The following ATG9B variants were observed in gnomAD, a reference collection of about 807,000 sequenced individuals.
ATG9B encodes autophagy related 9B.
In ATG9B, 92 loss-of-function variants were observed where a neutral mutation model predicts 92.9. The ratio of observed to expected loss-of-function variants is 0.99; its 90% CI spans 0.84 to 1.18. The LOEUF is 1.18. Ranked by LOEUF, ATG9B falls within the 50% of genes most tolerant of loss-of-function variation. The probability of loss-of-function intolerance (pLI) is 0.00; values close to 1 mark genes in which losing one functional copy is unlikely to be tolerated. For missense variants in ATG9B, 1,344 were observed against 1,235.0 expected (o/e 1.09, Z -1.32); for synonymous variants, 599 against 551.4 (o/e 1.09, Z -1.21).
chr7:151,014,468 T>C (rs550680447), downstream of ATG9B: 2 of 425,314 alleles, frequency 4.7e-6, no homozygotes, highest in Non-Finnish European at 8.4e-6. Flanking sequence ...TCCTCTTGCC[T>C]CTCTCAGGAG....
chr7:151,014,010 T>C, downstream of ATG9B: 1 of 1,612,496 alleles, frequency 6.2e-7, no homozygotes, highest in Non-Finnish European at 8.5e-7. Flanking sequence ...TCCGACAGGA[T>C]CAGCAACGCT....
chr7:151,024,195 C>A lies in ATG9B; in HGVS notation c.229G>T (p.Val77Leu), dbSNP rs1286750551. 1 of 1,525,024 alleles carries A rather than the reference C, an allele frequency of 6.6e-7. No homozygotes were observed. Among genetic ancestry groups the A allele is most frequent in the African/African-American group, 1.4e-5 (1 of 72,096 alleles). The allele number at this position is 1,525,024 out of a possible 1,614,324, so 94.5% of individuals were successfully genotyped here. A position where few individuals can be genotyped will look rare whatever the true frequency, so the allele number is the denominator to read the frequency against. ...TGAGAAGCCCCTGTCCCCTGTAGCA[C>A]TGAGCAAGGGGGCCCTGCGGTGGGA... is the stretch of plus-strand genomic sequence containing the variant. ...SPPTAGPPCS[V>L]LQGTGASQSC... Residue 77 changes from valine (V) to leucine (L), a missense_variant, in exon 1 of 14, where the codon GTG becomes TTG. By Grantham distance (32) the Val-to-Leu change is conservative. Coordinates refer to ENST00000639579, the MANE Select transcript of ATG9B (RefSeq NM_001317056.2).
In ATG9B at chr7:151,018,208, C is replaced by T. The variant is rs1795585753; in HGVS notation, c.1872+86G>A. 1.3e-6 allele frequency: 2 copies of T among 1,493,156 alleles called. No homozygotes were observed. The highest frequency in any genetic ancestry group is 1.8e-6 in the Non-Finnish European group (2 of 1,130,152). 92.5% of individuals were successfully genotyped at this position (1,493,156 alleles called of 1,614,324 possible). On this transcript the variant is annotated intron_variant, in intron 7 of 13. Coordinates refer to ENST00000639579, the MANE Select transcript of ATG9B (RefSeq NM_001317056.2). The surrounding 1 kb of genome is among the most constrained non-coding windows in gnomAD (Gnocchi z 4.7). ...TAGTCCGTTTGTCTCATGCCCTCTC[C>T]CAGACAGACCCTCCGCGCAGACAGA...
chr7:151,023,761 G>A, intron 1 of ATG9B, 31 bp from the exon 2 acceptor site: 2 of 1,613,740 alleles, frequency 1.2e-6, no homozygotes, highest in Non-Finnish European at 1.7e-6. Flanking sequence ...GTCAGCCCCT[G>A]GCATGTGATC....
At chr7:151,013,919 G>C (rs749487829), downstream of ATG9B, 1 of 1,599,318 alleles carries the variant, frequency 6.3e-7, no homozygotes, top group African/African-American at 1.3e-5. Context: ...CGTGCTGCGG[G>C]TGCGGAGGGG....
chr7:151,023,221 G>A lies in ATG9B; in HGVS notation c.660-15C>T, dbSNP rs12666075. 1.4e-5 allele frequency: 22 copies of A among 1,613,536 alleles called. No homozygotes were observed. The Middle Eastern group carries it at 4.9e-4, about 36-fold the overall frequency. On this transcript the variant is annotated splice_polypyrimidine_tract_variant and intron_variant, in intron 3 of 13. Coordinates refer to ENST00000639579, the MANE Select transcript of ATG9B (RefSeq NM_001317056.2). The stretch of plus-strand genomic sequence containing the variant: ...AAATAAATTGTCTGCCGGGAGGAAG[G>A]GGGGGTGCCGGGATGCTGCAGTGAT...
At chr7:151,021,475 T>A in intron 4 of ATG9B, 146 bp from the exon 5 acceptor site, 1 of 1,144,242 alleles carries the variant, frequency 8.7e-7, no homozygotes, top group Non-Finnish European at 1.2e-6. Context: ...GGGCAGGGGG[T>A]GGGTGCTGAA....
At chr7:151,015,091 G>C (rs979907732), downstream of ATG9B, 1 of 152,210 alleles carries the variant, frequency 6.6e-6, no homozygotes, top group African/African-American at 2.4e-5. Context: ...GATCGAGAAG[G>C]CAGGTGCAGC....
Position 151,016,416 on chromosome 7 carries a change from C to T in ATG9B, c.2520+15G>A. ...CTTCTCTCCACATTTCTCCTTTGGGCACCCCTCTACTCACCTGGTGCAGGT... is the reference window on the plus strand; with the variant it reads ...CTTCTCTCCACATTTCTCCTTTGGGTACCCCTCTACTCACCTGGTGCAGGT... On this transcript the variant is annotated intron_variant, in intron 11 of 13. Coordinates refer to ENST00000639579, the MANE Select transcript of ATG9B (RefSeq NM_001317056.2). 3 of 1,549,714 alleles carry T rather than the reference C, an allele frequency of 1.9e-6. No homozygotes were observed. Among genetic ancestry groups the T allele is most frequent in the East Asian group, 4.9e-5 (2 of 40,876 alleles).
Position 151,016,481 on chromosome 7 carries a change from G to C in ATG9B, c.2470C>G (p.Pro824Ala). ...CTCATCTCGGCAGAAGCAAGTTCTG[G>C]GAGCTGGGCCAGCTTCTGGCCCCCA... is the stretch of plus-strand genomic sequence containing the variant. ...GTGGQKLAQL[P>A]ELASAEMSLH... is the part of the protein sequence containing the mutation. The change falls in exon 11 of 14, where the codon CCA (proline) becomes GCA (alanine). Residue 824 changes from proline to alanine, a missense_variant. Physicochemically the swap from Pro to Ala is conservative, Grantham distance 27. Coordinates refer to ENST00000639579, the MANE Select transcript of ATG9B (RefSeq NM_001317056.2). 6.4e-7 allele frequency: 1 copy of C among 1,551,410 alleles called. No individual in the cohort carries two copies. Among genetic ancestry groups the C allele is most frequent in the South Asian group, 1.2e-5 (1 of 84,060 alleles).
intron 5 of ATG9B, 132 bp from the exon 6 acceptor site, chr7:151,019,506 G>A: frequency 8.2e-7 from 1 of 1,223,730 alleles, no homozygotes; most frequent in Non-Finnish European, 1.1e-6. Flanking sequence ...CCATGACCAA[G>A]CTACATCGTC....
intron 9 of ATG9B, 76 bp downstream of exon 9, chr7:151,016,960 G>A (rs1795517846): frequency 6.6e-7 from 1 of 1,510,422 alleles, no homozygotes; most frequent in Non-Finnish European, 9.0e-7. Context: ...ACTACCTAAG[G>A]TGAGCCTAGA....
intron 4 of ATG9B, among the ~76,000 whole-genome samples, chr7:151,022,836 TA>T (rs5888425): frequency 0.64 from 94,119 of 148,212 alleles, 30,640 homozygotes; most frequent in African/African-American, 0.81. Flanking sequence ...AACTCTGTCT[TA>T]AAAAAAAAAA....
At position 151,019,476 on chromosome 7, in the gene ATG9B, A is replaced by T. The variant is rs1051017719; in HGVS notation, c.964-102T>A. The stretch of plus-strand genomic sequence containing the variant: ...GTGCGGCCTGAAAACCCGCAAACTG[A>T]GTTTGCGATCACAAACTCGCCATGA... On this transcript the variant is annotated intron_variant, in intron 5 of 13. Transcript: ENST00000639579. 6 of 1,424,638 alleles carry T rather than the reference A, an allele frequency of 4.2e-6. No individual in the cohort carries two copies. The African/African-American group carries it at 8.8e-5, about 21-fold the overall frequency. 88.2% of individuals were successfully genotyped at this position (1,424,638 alleles called of 1,614,324 possible). A position where few individuals can be genotyped will look rare whatever the true frequency, so the allele number is the denominator to read the frequency against.
chr7:151,018,374 G>T lies in ATG9B; in HGVS notation c.1792C>A (p.His598Asn). ...LLLQTALAHM[H>N]YLPEEPGPGG... ...GGGCCGGGCTCCTCCGGGAGGTAGT[G>T]CATGTGGGCCAGGGCTGTCTGCAGC... Residue 598 changes from histidine (H) to asparagine (N), a missense_variant, in exon 7 of 14, where the codon CAC becomes AAC. Coordinates refer to ENST00000639579, the MANE Select transcript of ATG9B (RefSeq NM_001317056.2). The surrounding 1 kb of genome is among the most constrained non-coding windows in gnomAD (Gnocchi z 4.7). 1 of 1,598,568 alleles carries T rather than the reference G, an allele frequency of 6.3e-7. No homozygotes were observed.
At chr7:151,016,064 C>T (rs1795467392) in intron 12 of ATG9B, 41 bp from the exon 13 acceptor site, 1 of 1,547,988 alleles carries the variant, frequency 6.5e-7, no homozygotes, top group Non-Finnish European at 8.7e-7. Context: ...CCATGATGCC[C>T]AGTGTCCACC....
In ATG9B at chr7:151,016,108, C is replaced by A; in HGVS notation, c.2647+1G>T. On this transcript the variant is annotated splice_donor_variant, in intron 12 of 13. Transcript: ENST00000639579. LOFTEE classifies it high-confidence loss of function. ...TCCCCTGCAGGCCCCACCCTCCTCACCGTCACTTGACCAGGATGGCTTCTC... is the reference window on the plus strand; with the variant it reads ...TCCCCTGCAGGCCCCACCCTCCTCAACGTCACTTGACCAGGATGGCTTCTC... 1 of 1,537,256 alleles carries A rather than the reference C, an allele frequency of 6.5e-7. No homozygotes were observed. The highest frequency in any genetic ancestry group is 8.8e-7 in the Non-Finnish European group (1 of 1,138,714).
At position 151,023,855 on chromosome 7, in the gene ATG9B, C is replaced by A; in HGVS notation, c.550+19G>T. The A allele has an allele frequency of 6.2e-7, 1 of 1,610,218 alleles. No individual in the cohort carries two copies. Among genetic ancestry groups the A allele is most frequent in the Non-Finnish European group, 8.5e-7 (1 of 1,178,086 alleles). Reference sequence around the variant, plus strand: ...CCCAGGCACCACTAACCCTCTCCCACCCACACCCACACACATACCTCGGAG... The same window carrying A: ...CCCAGGCACCACTAACCCTCTCCCAACCACACCCACACACATACCTCGGAG... On this transcript the variant is annotated intron_variant, in intron 1 of 13. Coordinates refer to ENST00000639579, the MANE Select transcript of ATG9B (RefSeq NM_001317056.2).
At chr7:151,016,312 C>T (rs1795480383) in intron 11 of ATG9B, 77 bp from the exon 12 acceptor site, 1 of 1,479,066 alleles carries the variant, frequency 6.8e-7, no homozygotes, top group South Asian at 1.4e-5. Context: ...AGGCAGAGGG[C>T]TTTTCAGCCT....
Sources: allele counts gnomAD v4.1 joint callset (sites outside exome capture counted in the v4.1 genomes callset), GRCh38; gene constraint gnomAD v4.1.1; non-coding constraint Gnocchi (gnomAD v3.1); transcripts MANE v1.5; gene names NCBI Gene and HGNC (gene_info 2026-07-23, HGNC 2026-07-21).